The following ATP11A variants were observed in gnomAD, a reference collection of about 807,000 sequenced individuals.
ATP11A encodes the protein phospholipid-transporting ATPase IH.
A neutral mutation model predicts 154.4 loss-of-function variants in ATP11A; 81 were observed. The ratio of observed to expected loss-of-function variants is 0.52; its 90% CI spans 0.44 to 0.63. ATP11A has a LOEUF of 0.63. Ranked by LOEUF, ATP11A falls within the 30% of genes least tolerant of loss-of-function variation. ATP11A has a pLI of 0.00. For synonymous variants in ATP11A, 623 were observed against 585.9 expected (o/e 1.06, Z -0.91); for missense variants, 1,316 against 1,474.3 (o/e 0.89, Z 1.76).
chr13:112,824,273 C>T, intron 9 of ATP11A, 71 bp from the exon 10 acceptor site: 1 of 1,167,570 alleles, frequency 8.6e-7, no homozygotes, highest in Admixed American at 1.7e-5. Flanking sequence ...TTCCCCGCAG[C>T]TGTGTGTAAC....
At chr13:112,730,989 G>T (rs999020647) in intron 1 of ATP11A, among the ~76,000 whole-genome samples, 48 of 152,280 alleles carry the variant, frequency 3.2e-4, no homozygotes, top group East Asian at 9.6e-4. Context: ...AGGCTGGAGT[G>T]CTGTGGCGCG....
intron 1 of ATP11A, among the ~76,000 whole-genome samples, chr13:112,767,628 T>C (rs949517304): frequency 4.7e-5 from 7 of 150,368 alleles, no homozygotes; most frequent in Admixed American, 2.0e-4. Flanking sequence ...TAATTGGCTT[T>C]TGAAAGGGGT....
chr13:112,868,388 C>T (rs930040154), intron 25 of ATP11A, among the ~76,000 whole-genome samples: 4 of 152,192 alleles, frequency 2.6e-5, no homozygotes, highest in Non-Finnish European at 2.9e-5. Flanking sequence ...GAGCAGAAAG[C>T]TTCTATAGGA....
Position 112,754,178 on chromosome 13 carries a change from C to T in ATP11A, c.40-30957C>T, listed in dbSNP as rs151313753. Among the ~76,000 whole-genome samples the T allele has an allele frequency of 3.9e-3, 597 of 152,334 alleles. 4 individuals are homozygous for T. Among genetic ancestry groups the T allele is most frequent in the African/African-American group, 0.014 (578 of 41,572 alleles). On this transcript the variant is annotated intron_variant, in intron 1 of 29. Coordinates refer to ENST00000375645, the MANE Select transcript of ATP11A (RefSeq NM_015205.3). The surrounding 1 kb of genome is among the most constrained non-coding windows in gnomAD (Gnocchi z 5.3). ...TGCTGAGATGTGAGAAAGGCCTGCG[C>T]TGGGGTCTGGGAAATTCGTTTTCTC...
chr13:112,843,238 C>T (rs763448548), intron 17 of ATP11A, among the ~76,000 whole-genome samples: 2 of 152,150 alleles, frequency 1.3e-5, no homozygotes, highest in Admixed American at 1.3e-4. Context: ...CTGGGGTGGA[C>T]GCACTCCCTC....
At position 112,823,332 on chromosome 13, in the gene ATP11A, C is replaced by T. The variant is rs761384079; in HGVS notation, c.726-13C>T. The T allele has an allele frequency of 1.2e-5, 19 of 1,611,362 alleles. No homozygotes were observed. Among genetic ancestry groups the T allele is most frequent in the Non-Finnish European group, 1.5e-5 (18 of 1,177,772 alleles). On this transcript the variant is annotated splice_polypyrimidine_tract_variant and intron_variant, in intron 8 of 29. Coordinates refer to ENST00000375645, the MANE Select transcript of ATP11A (RefSeq NM_015205.3). ...TCGTGTCCGCATCATTTCTGATCAT[C>T]GTATCTTTACAGGCCCTTAGGATCG...
chr13:112,851,264 C>T, intron 18 of ATP11A, 46 bp downstream of exon 18: 1 of 1,579,428 alleles, frequency 6.3e-7, no homozygotes, highest in East Asian at 2.2e-5. Context: ...AACTGGGATG[C>T]AGGCCGACGG....
rs116904545 is a variant in ATP11A, at chr13:112,730,075, G to A, written c.39+39620G>A. Among the ~76,000 whole-genome samples, 491 of 152,310 alleles carry A rather than the reference G, an allele frequency of 3.2e-3. 1 individual carries two copies. Among genetic ancestry groups the A allele is most frequent in the Non-Finnish European group, 5.5e-3 (373 of 68,032 alleles). On this transcript the variant is annotated intron_variant, in intron 1 of 29. Coordinates refer to ENST00000375645, the MANE Select transcript of ATP11A (RefSeq NM_015205.3). ...AAGTGCAGCTTCTCATGATGGTGGA[G>A]GACGAGTTTCTTCATGGGAAATAAA...
At chr13:112,708,918 A>G (rs887125408) in intron 1 of ATP11A, among the ~76,000 whole-genome samples, 1 of 152,264 alleles carries the variant, frequency 6.6e-6, no homozygotes, top group Admixed American at 6.5e-5. Flanking sequence ...CAAGGAAGAG[A>G]GAGTGATTTG....
chr13:112,788,034 AAGTG>A (rs2077704412), intron 2 of ATP11A, among the ~76,000 whole-genome samples: 1 of 29,518 alleles, frequency 3.4e-5, no homozygotes, highest in Non-Finnish European at 5.9e-5. Context: ...AATTCACACC[AAGTG>A]TCCTGATGTG....
rs1292824778 is a variant in ATP11A at position 112,886,066 on chromosome 13, G to A, written c.*4200G>A. ...GCACCTCATCCGTGCACGCGTCGGA[G>A]CACGGCCAGCCTTCCGCCACGAGCC... is the stretch of plus-strand genomic sequence containing the variant. On this transcript the variant is annotated 3_prime_UTR_variant, in exon 30 of 30. Transcript: ENST00000375645. 1 of 152,370 alleles carries A rather than the reference G, an allele frequency of 6.6e-6. No homozygotes were observed. The allele number at this position is 152,370 out of a possible 1,614,324, so 9.4% of individuals were successfully genotyped here. A position where few individuals can be genotyped will look rare whatever the true frequency, so the allele number is the denominator to read the frequency against.
At chr13:112,820,102 C>A in intron 8 of ATP11A, 152 bp downstream of exon 8, 1 of 749,662 alleles carries the variant, frequency 1.3e-6, no homozygotes, top group East Asian at 3.0e-5. Flanking sequence ...CCACTCTCGT[C>A]TCTGGTTTGT....
chr13:112,834,769 T>G, intron 15 of ATP11A, 109 bp downstream of exon 15: 1 of 852,862 alleles, frequency 1.2e-6, no homozygotes, highest in Non-Finnish European at 1.9e-6. Context: ...TCTCCCACAA[T>G]TCGCTTCCTC....
In ATP11A at chr13:112,736,196, C is replaced by G. The variant is rs989058608; in HGVS notation, c.39+45741C>G. Among the ~76,000 whole-genome samples the G allele has an allele frequency of 2.0e-5, 3 of 152,202 alleles. No individual in the cohort carries two copies. In the South Asian group the frequency reaches 6.2e-4, roughly 31 times the overall value. ...CCAACCACACTGTTTGAACTTGACC[C>G]TATCACTTAGCACATGTTTTAACTT... On this transcript the variant is annotated intron_variant, in intron 1 of 29. Coordinates refer to ENST00000375645, the MANE Select transcript of ATP11A (RefSeq NM_015205.3).
intron 8 of ATP11A, among the ~76,000 whole-genome samples, 199 bp from the exon 9 acceptor site, chr13:112,823,146 C>G (rs2078843570): frequency 6.6e-6 from 1 of 152,202 alleles, no homozygotes; most frequent in African/African-American, 2.4e-5. Flanking sequence ...GTGTTCGTCC[C>G]CCAAAGATAA....
At position 112,858,209 on chromosome 13, in the gene ATP11A, G is replaced by C; in HGVS notation, c.2586G>C (p.Lys862Asn). The stretch of plus-strand genomic sequence containing the variant: ...GCGACTATGCAATCCCAAAGTTTAA[G>C]CATTTGAAGAAGATGCTGCTTGTTC... ...RNSDYAIPKFKHLKKMLLVHG... is the reference protein window; with the variant it reads ...RNSDYAIPKFNHLKKMLLVHG... Residue 862 changes from lysine (K) to asparagine (N), a missense_variant, in exon 22 of 30, where the codon AAG (lysine) becomes AAC (asparagine). Transcript: ENST00000375645. The C allele has an allele frequency of 6.2e-7, 1 of 1,614,124 alleles. No homozygotes were observed. Among genetic ancestry groups the C allele is most frequent in the Non-Finnish European group, 8.5e-7 (1 of 1,180,028 alleles).
Position 112,807,338 on chromosome 13 carries a change from C to T in ATP11A, c.333+1045C>T, listed in dbSNP as rs1594760860. ...CTAGGCCAGAGCCGGCCGTGCCTAC[C>T]GGGATACGTGAACTAGGATATTCAT... On this transcript the variant is annotated intron_variant, in intron 4 of 29. Transcript: ENST00000375645. The surrounding 1 kb of genome is among the most constrained non-coding windows in gnomAD (Gnocchi z 4.5). Among the ~76,000 whole-genome samples the T allele has an allele frequency of 6.6e-6, 1 of 152,202 alleles. No homozygotes were observed. Among genetic ancestry groups the T allele is most frequent in the Non-Finnish European group, 1.5e-5 (1 of 68,044 alleles).
At position 112,690,156 on chromosome 13, in the gene ATP11A, G is replaced by T. The variant is rs1172396050; in HGVS notation, c.-261G>T. Among the ~76,000 whole-genome samples, 1 of 148,206 alleles carries T rather than the reference G, an allele frequency of 6.7e-6. No homozygotes were observed. The highest frequency in any genetic ancestry group is 1.5e-5 in the Non-Finnish European group (1 of 66,418). On this transcript the variant is annotated 5_prime_UTR_variant, in exon 1 of 30. Coordinates refer to ENST00000375645, the MANE Select transcript of ATP11A (RefSeq NM_015205.3). This position sits in a 1 kb window ranked among gnomAD's most constrained non-coding sequence, Gnocchi z 5.6. ...GCGGACCGACGGGGAGAGAGAAGGC[G>T]CCAGAGCGCGCGCGCGCGGCCCCGA...
intron 1 of ATP11A, among the ~76,000 whole-genome samples, chr13:112,708,845 G>A (rs1462999359): frequency 6.6e-6 from 1 of 152,228 alleles, no homozygotes; most frequent in Admixed American, 6.5e-5. Flanking sequence ...GAGGGGGAGG[G>A]GGAGTTTGTG....
Sources: gnomAD v4.1 joint callset for allele counts (sites outside exome capture counted in the v4.1 genomes callset) on GRCh38, gnomAD v4.1.1 for gene constraint, Gnocchi (gnomAD v3.1) non-coding constraint, MANE v1.5 for transcripts, NCBI Gene and HGNC (gene_info 2026-07-23, HGNC 2026-07-21) for gene names.